The following CDH18 variants were observed in gnomAD, a reference collection of about 807,000 sequenced individuals.
CDH18 encodes the protein cadherin 18, also known as cadherin-18.
Under a neutral mutation model 67.9 loss-of-function variants are expected in CDH18, and 31 were observed. That is an observed-to-expected ratio of 0.46 (90% CI 0.34 to 0.62). The LOEUF (loss-of-function observed/expected upper bound fraction) is 0.62, where lower values mean the gene tolerates loss of function less well. CDH18 is among the 20% of genes least tolerant of loss of function. The pLI is 0.01. For missense variants in CDH18, 890 were observed against 975.5 expected, an observed-to-expected ratio of 0.91 and a Z score of 1.17; for synonymous variants, 362 against 347.2, an observed-to-expected ratio of 1.04 and a Z score of -0.48.
At chr5:20,323,295 A>C (rs1185989056) in intron 1 of CDH18, among the ~76,000 whole-genome samples, 1 of 152,154 alleles carries the variant, frequency 6.6e-6, no homozygotes, top group East Asian at 1.9e-4. Context: ...TAAAAATTAC[A>C]TGAAAGGGTA....
chr5:20,447,957 G>T (rs1370511094), intron 1 of CDH18, among the ~76,000 whole-genome samples: 1 of 151,602 alleles, frequency 6.6e-6, no homozygotes, highest in East Asian at 1.9e-4. Context: ...CAACGTGCAG[G>T]TTTGTTACAT....
At chr5:20,087,965 T>G (rs570473761) in intron 2 of CDH18, among the ~76,000 whole-genome samples, 222 of 152,310 alleles carry the variant, frequency 1.5e-3, no homozygotes, top group African/African-American at 5.0e-3. Context: ...GAAAGATATA[T>G]GTATATAATC....
chr5:20,417,513 G>A (rs945114150), intron 1 of CDH18, among the ~76,000 whole-genome samples: 17 of 152,108 alleles, frequency 1.1e-4, no homozygotes, highest in African/African-American at 4.1e-4. Context: ...GCATTAGAAG[G>A]TATTGGGGAA....
intron 5 of CDH18, among the ~76,000 whole-genome samples, chr5:19,638,225 T>C (rs1753445548): frequency 1.3e-5 from 2 of 152,228 alleles, no homozygotes; most frequent in African/African-American, 4.8e-5. Flanking sequence ...AGAAGTACCA[T>C]ATTTTCTCTA....
chr5:19,816,109 T>C (rs1581478783), intron 3 of CDH18, among the ~76,000 whole-genome samples: 2 of 152,048 alleles, frequency 1.3e-5, no homozygotes, highest in South Asian at 4.1e-4. Context: ...AATGAACTAT[T>C]TTTAATGTCA....
chr5:20,309,130 AT>A (rs1736764741), intron 1 of CDH18, among the ~76,000 whole-genome samples: 1 of 152,204 alleles, frequency 6.6e-6, no homozygotes, highest in African/African-American at 2.4e-5. Context: ...AAAATTTCTT[AT>A]GCTTAACATC....
At chr5:20,072,751 G>T (rs1029990031) in intron 2 of CDH18, among the ~76,000 whole-genome samples, 1 of 151,198 alleles carries the variant, frequency 6.6e-6, no homozygotes, top group African/African-American at 2.4e-5. Flanking sequence ...AATAGCAAAT[G>T]GTATCATTTC....
chr5:19,845,465 A>G (rs143141984), intron 2 of CDH18, among the ~76,000 whole-genome samples: 186 of 152,256 alleles, frequency 1.2e-3, no homozygotes, highest in African/African-American at 3.7e-3. Flanking sequence ...CATTTCTACT[A>G]GAGAAGAATG....
intron 2 of CDH18, among the ~76,000 whole-genome samples, chr5:20,128,317 T>C (rs766704638): frequency 6.6e-6 from 1 of 152,104 alleles, no homozygotes; most frequent in Non-Finnish European, 1.5e-5. Context: ...GGTGCTATTA[T>C]TTTTAAGAAA....
intron 1 of CDH18, among the ~76,000 whole-genome samples, chr5:20,415,464 A>G (rs943232994): frequency 1.3e-5 from 2 of 152,200 alleles, no homozygotes; most frequent in Admixed American, 6.5e-5. Flanking sequence ...GTGGAATATC[A>G]TTCAGCCTTA....
chr5:19,814,357 TA>T (rs151201498), intron 3 of CDH18, among the ~76,000 whole-genome samples: 12,453 of 150,594 alleles, frequency 0.083, 533 homozygotes, highest in African/African-American at 0.11. Flanking sequence ...AATTATGTCC[TA>T]AAAAAAAACA....
rs138080221 is a variant in CDH18 at position 19,999,785 on chromosome 5, A to G, written c.-517-7771T>C. Among the ~76,000 whole-genome samples, 569 of 152,282 alleles carry G rather than the reference A, an allele frequency of 3.7e-3. 2 individuals carry two copies. Among genetic ancestry groups the G allele is most frequent in the African/African-American group, 0.013 (535 of 41,550 alleles). ...AGGATGACCACAGCAGAGCATTAATACCAAGCATGAGGCCAATTCTGAATA... is the reference window on the plus strand; with the variant it reads ...AGGATGACCACAGCAGAGCATTAATGCCAAGCATGAGGCCAATTCTGAATA... On this transcript the variant is annotated intron_variant, in intron 2 of 14. Transcript: ENST00000507958.
Position 20,183,151 on chromosome 5 carries a change from GGCTC to G in CDH18, c.-518+72289_-518+72292del, listed in dbSNP as rs1561857950. 7.3e-4 allele frequency among the ~76,000 whole-genome samples: 110 copies of G among 151,234 alleles called. 2 individuals carry two copies. Among genetic ancestry groups the G allele is most frequent in the Non-Finnish European group, 3.4e-4 (23 of 67,724 alleles). On this transcript the variant is annotated intron_variant, in intron 2 of 14. Transcript: ENST00000507958. ...ATTAAAACAGTTGCTATATGTAAAG[GGCTC>G]AGAATAGTGTCTAGCATAGAGCTAA...
At chr5:19,532,763 T>G (rs927348689) in intron 9 of CDH18, among the ~76,000 whole-genome samples, 1 of 152,132 alleles carries the variant, frequency 6.6e-6, no homozygotes, top group Non-Finnish European at 1.5e-5. Flanking sequence ...TGATAGGAAA[T>G]AGTTGACTTA....
intron 4 of CDH18, among the ~76,000 whole-genome samples, chr5:19,727,544 T>G (rs1767001629): frequency 6.6e-6 from 1 of 152,198 alleles, no homozygotes; most frequent in Admixed American, 6.5e-5. Context: ...GACTTCTAGC[T>G]TCCAGACTGT....
intron 9 of CDH18, among the ~76,000 whole-genome samples, chr5:19,533,533 G>A (rs1748974475): frequency 6.6e-6 from 1 of 152,128 alleles, no homozygotes; most frequent in Admixed American, 6.6e-5. Context: ...GGTTTTGTTT[G>A]CTTTGCATGA....
At chr5:19,850,055 A>G (rs1304854874) in intron 2 of CDH18, among the ~76,000 whole-genome samples, 1 of 151,902 alleles carries the variant, frequency 6.6e-6, no homozygotes, top group African/African-American at 2.4e-5. Context: ...CCTTTGAGAC[A>G]TAAGTTAATA....
At chr5:19,706,824 C>T (rs1033160640) in intron 5 of CDH18, among the ~76,000 whole-genome samples, 1 of 152,182 alleles carries the variant, frequency 6.6e-6, no homozygotes, top group African/African-American at 2.4e-5. Flanking sequence ...CCTGAAACCA[C>T]AGTCACAAAA....
At chr5:20,291,466 C>T (rs1342442539) in intron 1 of CDH18, among the ~76,000 whole-genome samples, 3 of 151,934 alleles carry the variant, frequency 2.0e-5, no homozygotes, top group South Asian at 2.1e-4. Flanking sequence ...GAACCAAAAA[C>T]GGAAATGAAA....
Sources: allele counts gnomAD v4.1 joint callset (sites outside exome capture counted in the v4.1 genomes callset), GRCh38; gene constraint gnomAD v4.1.1; transcripts MANE v1.5; gene names NCBI Gene and HGNC (gene_info 2026-07-23, HGNC 2026-07-21).